Variants in IGSF11 observed in about 807,000 individuals in gnomAD.
IGSF11 encodes immunoglobulin superfamily member 11.
In IGSF11, 22 loss-of-function variants were observed where a neutral mutation model predicts 41.0. The observed-to-expected ratio is 0.54, with a 90% CI of 0.38 to 0.77. The LOEUF is 0.77. Among genes scored for constraint, IGSF11 ranks in the 30% least tolerant of loss-of-function variants. The pLI is 0.00. For missense variants in IGSF11, 444 were observed against 530.8 expected (o/e 0.84, Z 1.61); for synonymous variants, 219 against 201.3 (o/e 1.09, Z -0.74).
chr3:118,951,139 T>G (rs1944542902), intron 1 of IGSF11, among the ~76,000 whole-genome samples: 1 of 152,236 alleles, frequency 6.6e-6, no homozygotes. Context: ...TTGTACCTAA[T>G]GTGACTGAGG....
At chr3:119,092,001 G>A (rs1220771256) in intron 1 of IGSF11, among the ~76,000 whole-genome samples, 1 of 146,856 alleles carries the variant, frequency 6.8e-6, no homozygotes, top group Non-Finnish European at 1.5e-5. Flanking sequence ...TTTGGGGGGG[G>A]GGGGTTGGTG....
intron 5 of IGSF11, 133 bp downstream of exon 5, chr3:118,905,463 T>A: frequency 1.0e-6 from 1 of 988,800 alleles, no homozygotes; most frequent in Non-Finnish European, 1.5e-6. Flanking sequence ...TCAATAATAA[T>A]TAAAACCAAA....
At chr3:119,092,410 A>G (rs1032395011) in intron 1 of IGSF11, among the ~76,000 whole-genome samples, 2 of 151,980 alleles carry the variant, frequency 1.3e-5, no homozygotes, top group Admixed American at 1.3e-4. Context: ...ATTTTGGCTC[A>G]CTGCAACCTC....
intron 1 of IGSF11, among the ~76,000 whole-genome samples, chr3:118,996,840 C>A (rs1936319294): frequency 6.6e-6 from 1 of 152,136 alleles, no homozygotes; most frequent in South Asian, 2.1e-4. Context: ...ACCTTGTGAT[C>A]CGCCTGCCTC....
chr3:119,025,751 C>A (rs181541650), intron 1 of IGSF11, among the ~76,000 whole-genome samples: 1 of 151,974 alleles, frequency 6.6e-6, no homozygotes, highest in Non-Finnish European at 1.5e-5. Context: ...TAAATGTGTA[C>A]ATCCAAACAA....
chr3:118,922,942 C>A (rs1217645550), intron 4 of IGSF11, among the ~76,000 whole-genome samples: 1 of 152,126 alleles, frequency 6.6e-6, no homozygotes, highest in Non-Finnish European at 1.5e-5. Flanking sequence ...ATGCAACATC[C>A]TGAGTTAAGA....
intron 1 of IGSF11, among the ~76,000 whole-genome samples, chr3:119,005,990 C>T (rs1324889466): frequency 7.8e-6 from 1 of 128,826 alleles, no homozygotes; most frequent in Non-Finnish European, 1.6e-5. Flanking sequence ...CTCTGTATTT[C>T]CTGAATCTGA....
At chr3:118,974,061 A>G (rs895729475) in intron 1 of IGSF11, among the ~76,000 whole-genome samples, 2 of 152,066 alleles carry the variant, frequency 1.3e-5, no homozygotes, top group African/African-American at 4.8e-5. Context: ...ACGTTTACCT[A>G]TGTAACAAAC....
intron 6 of IGSF11, 69 bp from the exon 7 acceptor site, chr3:118,903,030 T>G (rs1939107585): frequency 7.0e-7 from 1 of 1,429,718 alleles, no homozygotes; most frequent in Non-Finnish European, 9.6e-7. Context: ...TACCCTGGAA[T>G]CTTTCTTTTC....
intron 4 of IGSF11, among the ~76,000 whole-genome samples, chr3:118,919,264 C>T (rs924313818): frequency 2.2e-5 from 3 of 139,346 alleles, no homozygotes; most frequent in Non-Finnish European, 4.6e-5. Context: ...CAAATGGGAT[C>T]TAATTAAACT....
At chr3:119,047,976 T>C (rs1380387965) in intron 1 of IGSF11, among the ~76,000 whole-genome samples, 6 of 151,994 alleles carry the variant, frequency 3.9e-5, no homozygotes, top group African/African-American at 1.5e-4. Context: ...CATACCAGAA[T>C]CTCTGGGATA....
intron 1 of IGSF11, among the ~76,000 whole-genome samples, chr3:118,950,082 G>A (rs923575064): frequency 1.3e-5 from 2 of 152,122 alleles, no homozygotes; most frequent in African/African-American, 4.8e-5. Context: ...AGTCAGGAAT[G>A]GAAGTATAAA....
At chr3:119,053,261 C>T (rs1246630011) in intron 1 of IGSF11, among the ~76,000 whole-genome samples, 1 of 152,024 alleles carries the variant, frequency 6.6e-6, no homozygotes, top group Non-Finnish European at 1.5e-5. Context: ...ACTTAGAAAA[C>T]CCTAAAGACT....
At chr3:119,027,220 T>C (rs1328187114) in intron 1 of IGSF11, among the ~76,000 whole-genome samples, 1 of 152,206 alleles carries the variant, frequency 6.6e-6, no homozygotes, top group African/African-American at 2.4e-5. Context: ...TGGATTTTAA[T>C]ATAACAAGTA....
At chr3:119,024,936 G>A (rs1371851195) in intron 1 of IGSF11, among the ~76,000 whole-genome samples, 2 of 152,080 alleles carry the variant, frequency 1.3e-5, no homozygotes, top group African/African-American at 2.4e-5. Context: ...TACAAGATTT[G>A]TCCGTGATAC....
At chr3:118,998,854 T>TTA (rs771505824) in intron 1 of IGSF11, among the ~76,000 whole-genome samples, 137 of 152,288 alleles carry the variant, frequency 9.0e-4, no homozygotes, top group Non-Finnish European at 1.5e-3. Flanking sequence ...AACCTTTACA[T>TTA]TGTAAAACAG....
chr3:119,043,073 C>T (rs1941183209), intron 1 of IGSF11, among the ~76,000 whole-genome samples: 1 of 152,128 alleles, frequency 6.6e-6, no homozygotes, highest in East Asian at 1.9e-4. Context: ...CAGAAGAGAA[C>T]CGTGGAACCC....
chr3:119,121,675 T>G (rs1156327649), intron 1 of IGSF11, among the ~76,000 whole-genome samples: 2 of 152,118 alleles, frequency 1.3e-5, no homozygotes, highest in Non-Finnish European at 2.9e-5. Flanking sequence ...AACTCTGAGT[T>G]GATAAACATA....
chr3:119,047,774 G>T (rs1433161565), intron 1 of IGSF11, among the ~76,000 whole-genome samples: 2 of 151,984 alleles, frequency 1.3e-5, no homozygotes, highest in African/African-American at 2.4e-5. Flanking sequence ...AAATGTAAAA[G>T]AACAGAAATT....
Sources: gnomAD v4.1 joint callset for allele counts (sites outside exome capture counted in the v4.1 genomes callset) on GRCh38, gnomAD v4.1.1 for gene constraint, MANE v1.5 for transcripts, NCBI Gene and HGNC (gene_info 2026-07-23, HGNC 2026-07-21) for gene names.